Variants in COL18A1 observed in about 807,000 individuals in gnomAD.
COL18A1 encodes the protein collagen alpha-1(XVIII) chain.
A neutral mutation model predicts 168.0 loss-of-function variants in COL18A1; 133 were observed. The observed-to-expected ratio is 0.79, with a 90% CI of 0.69 to 0.91. The LOEUF (loss-of-function observed/expected upper bound fraction) is 0.91, where lower values mean the gene tolerates loss of function less well. Ranked by LOEUF, COL18A1 falls within the 40% of genes least tolerant of loss-of-function variation. The pLI, the probability that COL18A1 is intolerant of heterozygous loss-of-function variation, is 0.00. For synonymous variants in COL18A1, 949 were observed against 809.0 expected (o/e 1.17, Z -2.94); for missense variants, 2,126 against 1,925.4 (o/e 1.10, Z -1.95).
Position 45,505,319 on chromosome 21 carries a change from G to T in COL18A1, c.3014-39G>T, listed in dbSNP as rs377459155. The T allele has an allele frequency of 3.8e-6, 6 of 1,593,392 alleles. No individual in the cohort carries two copies. The South Asian group carries it at 5.5e-5, about 15-fold the overall frequency. ...GTGGGCCCCGGGCAGAGGCCGCCTC[G>T]TGTGGCTTCGTGTTCCCACCTTGGT... is the stretch of plus-strand genomic sequence containing the variant. On this transcript the variant is annotated intron_variant, in intron 35 of 41. Coordinates refer to ENST00000651438, the MANE Select transcript of COL18A1 (RefSeq NM_001379500.1).
At chr21:45,495,689 T>C (rs576914438) in intron 29 of COL18A1, 6 of 476,500 alleles carry the variant, frequency 1.3e-5, no homozygotes, top group South Asian at 1.0e-4. Flanking sequence ...TCTATGCACA[T>C]ACATGCCCAT....
intron 2 of COL18A1, among the ~76,000 whole-genome samples, chr21:45,418,680 G>A (rs1226651636): frequency 6.6e-6 from 1 of 152,132 alleles, no homozygotes; most frequent in African/African-American, 2.4e-5. Flanking sequence ...GGGGTCTCAG[G>A]GAAGCGGCAC....
At chr21:45,437,027 G>A (rs578070037) in intron 2 of COL18A1, among the ~76,000 whole-genome samples, 5 of 152,144 alleles carry the variant, frequency 3.3e-5, no homozygotes, top group Non-Finnish European at 7.4e-5. Flanking sequence ...ACATAGTGAA[G>A]GTGGGTTCTA....
At chr21:45,490,792 C>A in intron 20 of COL18A1, 44 bp from the exon 21 acceptor site, 1 of 1,544,696 alleles carries the variant, frequency 6.5e-7, no homozygotes. Context: ...GCCAGGGGCT[C>A]CTGTTTCTGT....
At chr21:45,409,775 C>G (rs1454894604) in intron 2 of COL18A1, among the ~76,000 whole-genome samples, 1 of 152,202 alleles carries the variant, frequency 6.6e-6, no homozygotes, top group Non-Finnish European at 1.5e-5. Flanking sequence ...GCTGCTTCCT[C>G]TAGGGGTTCT....
intron 38 of COL18A1, among the ~76,000 whole-genome samples, chr21:45,509,108 G>A (rs773193507): frequency 8.5e-5 from 13 of 152,120 alleles, no homozygotes; most frequent in African/African-American, 2.7e-4. Context: ...TGATTGCTGC[G>A]GCTTCTGAGC....
At position 45,498,442 on chromosome 21, in the gene COL18A1, G is replaced by T. The variant is rs540100004; in HGVS notation, c.2683+781G>T. Reference sequence around the variant, plus strand: ...CTCGCCGCCACGGTCCCCTCTCGCCGCCAGGGTCCCCTCTCGCCGCCACGG... The same window carrying T: ...CTCGCCGCCACGGTCCCCTCTCGCCTCCAGGGTCCCCTCTCGCCGCCACGG... On this transcript the variant is annotated intron_variant, in intron 32 of 41. Coordinates refer to ENST00000651438, the MANE Select transcript of COL18A1 (RefSeq NM_001379500.1). This position sits in a 1 kb window ranked among gnomAD's most constrained non-coding sequence, Gnocchi z 4.5. 2.9e-6 allele frequency: 2 copies of T among 693,180 alleles called. No individual in the cohort carries two copies. Among genetic ancestry groups the T allele is most frequent in the African/African-American group, 1.8e-5 (1 of 55,636 alleles). The allele number at this position is 693,180 out of a possible 1,614,324, so 42.9% of individuals were successfully genotyped here.
At chr21:45,501,559 G>A (rs1429346145) in intron 32 of COL18A1, among the ~76,000 whole-genome samples, 6 of 152,164 alleles carry the variant, frequency 3.9e-5, no homozygotes, top group African/African-American at 1.4e-4. Flanking sequence ...AGAAACCCCT[G>A]GGAGCTTAGG....
chr21:45,497,706 C>G, intron 32 of COL18A1, 45 bp downstream of exon 32: 5 of 1,550,922 alleles, frequency 3.2e-6, no homozygotes, highest in Non-Finnish European at 4.4e-6. Flanking sequence ...ATGGCGTGGC[C>G]AGCACTGAAG....
At position 45,498,144 on chromosome 21, in the gene COL18A1, A is replaced by T; in HGVS notation, c.2683+483A>T. The T allele has an allele frequency of 4.6e-6, 3 of 651,404 alleles. No individual in the cohort carries two copies. In the South Asian group the frequency reaches 5.0e-5, roughly 11 times the overall value. 40.4% of individuals were successfully genotyped at this position (651,404 alleles called of 1,614,324 possible). On this transcript the variant is annotated intron_variant, in intron 32 of 41. Transcript: ENST00000651438. The surrounding 1 kb of genome is among the most constrained non-coding windows in gnomAD (Gnocchi z 4.5). ...GAATTCCCCCCTGAGCCCCACCTCCATTGAGGGTGGCAGGGCTGCTTGGAT... is the reference window on the plus strand; with the variant it reads ...GAATTCCCCCCTGAGCCCCACCTCCTTTGAGGGTGGCAGGGCTGCTTGGAT...
Position 45,512,566 on chromosome 21 carries a change from G to GTATT in COL18A1, c.*170_*173dup. 1.5e-6 allele frequency: 1 copy of GTATT among 683,760 alleles called. No homozygotes were observed. Among genetic ancestry groups the GTATT allele is most frequent in the Non-Finnish European group, 2.5e-6 (1 of 407,542 alleles). The allele number at this position is 683,760 out of a possible 1,614,324, so 42.4% of individuals were successfully genotyped here. On this transcript the variant is annotated 3_prime_UTR_variant, in exon 42 of 42. Transcript: ENST00000651438. ...AAGAAATAAAAGGAAGCCAAAGAGT[G>GTATT]TATTTTTTTAAAAGTTTAAAACAGA...
chr21:45,497,118 G>C, intron 31 of COL18A1, 26 bp downstream of exon 31: 1 of 1,488,908 alleles, frequency 6.7e-7, no homozygotes, highest in South Asian at 1.1e-5. Flanking sequence ...TCACAGCTGG[G>C]GACACAGGCT....
intron 39 of COL18A1, 124 bp downstream of exon 39, chr21:45,509,725 GGCTCAGGGCC>G: frequency 1.4e-6 from 1 of 728,034 alleles, no homozygotes; most frequent in Non-Finnish European, 2.4e-6. Flanking sequence ...GGGGTCTGGC[GGCTCAGGGCC>G]ACTCAGGGCG....
chr21:45,487,486 G>A lies in COL18A1; in HGVS notation c.1873G>A (p.Ala625Thr). 1 of 1,613,110 alleles carries A rather than the reference G, an allele frequency of 6.2e-7. No individual in the cohort carries two copies. Among genetic ancestry groups the A allele is most frequent in the Non-Finnish European group, 8.5e-7 (1 of 1,180,008 alleles). Reference sequence around the variant, plus strand: ...CTCCGGGGGGCCCTTCTGGTCAACAGCCCGAAGCGCTGATGGGCCACAGGT... The same window carrying A: ...CTCCGGGGGGCCCTTCTGGTCAACAACCCGAAGCGCTGATGGGCCACAGGT... ...EGSGGPFWST[A>T]RSADGPQGPP... The change falls in exon 17 of 42, where the codon GCC (alanine) becomes ACC (threonine). Residue 625 changes from alanine to threonine, a missense_variant. Transcript: ENST00000651438.
chr21:45,486,627 C>G (rs2036122896), intron 15 of COL18A1, among the ~76,000 whole-genome samples: 1 of 152,362 alleles, frequency 6.6e-6, no homozygotes, highest in Admixed American at 6.5e-5. Context: ...TGGGCCCAAC[C>G]CCGACCAAGT....
At chr21:45,487,030 G>A in intron 16 of COL18A1, 38 bp downstream of exon 16, 3 of 1,482,256 alleles carry the variant, frequency 2.0e-6, no homozygotes, top group Non-Finnish European at 2.7e-6. Flanking sequence ...GGAGAGCCGG[G>A]GGCTGCCGTT....
intron 14 of COL18A1, 112 bp from the exon 15 acceptor site, chr21:45,482,683 C>T: frequency 2.0e-6 from 3 of 1,499,962 alleles, no homozygotes; most frequent in Non-Finnish European, 2.8e-6. Flanking sequence ...CCGGCACAGG[C>T]AGCAAAGCAG....
Position 45,477,485 on chromosome 21 carries a change from G to C in COL18A1, c.1003G>C (p.Glu335Gln), listed in dbSNP as rs751829210. The C allele has an allele frequency of 1.2e-6, 2 of 1,608,342 alleles. No homozygotes were observed. Among genetic ancestry groups the C allele is most frequent in the Non-Finnish European group, 1.7e-6 (2 of 1,177,540 alleles). The change falls in exon 7 of 42, where the codon GAG (glutamate) becomes CAG (glutamine). Residue 335 changes from glutamate to glutamine, a missense_variant and splice_region_variant. Physicochemically the swap from Glu to Gln is conservative, Grantham distance 29. Coordinates refer to ENST00000651438, the MANE Select transcript of COL18A1 (RefSeq NM_001379500.1). ...SVRTPGGRVKEGGLKGQKGEP... is the reference protein window; with the variant it reads ...SVRTPGGRVKQGGLKGQKGEP... ...CCGGACCCCTGGGGGCCGCGTGAAA[G>C]AGGTAAGGCCACCTCCCTGTGCTCC...
chr21:45,505,864 C>T lies in COL18A1; in HGVS notation c.3114C>T (p.Ala1038=), dbSNP rs1383926697. The T allele has an allele frequency of 1.2e-6, 2 of 1,611,210 alleles. No homozygotes were observed. The highest frequency in any genetic ancestry group is 1.1e-5 in the South Asian group (1 of 91,072). ...SGVRLWATRQ[A]MLGQVHEVPE... is the part of the protein sequence containing the mutation. ...TGAGGCTCTGGGCTACACGCCAGGC[C>T]ATGCTGGGCCAGGTGCACGAGGTTC... Residue 1038 remains alanine, a synonymous_variant, in exon 37 of 42, where the codon GCC becomes GCT. Transcript: ENST00000651438.
Sources: allele counts gnomAD v4.1 joint callset (sites outside exome capture counted in the v4.1 genomes callset), GRCh38; gene constraint gnomAD v4.1.1; non-coding constraint Gnocchi (gnomAD v3.1); transcripts MANE v1.5; gene names NCBI Gene and HGNC (gene_info 2026-07-23, HGNC 2026-07-21).